The following TRIO variants were observed in gnomAD, a reference collection of about 807,000 sequenced individuals.
TRIO encodes the protein trio Rho guanine nucleotide exchange factor.
TRIO carries 58 observed loss-of-function variants against 351.9 expected under a neutral mutation model. That is an observed-to-expected ratio of 0.16 (90% CI 0.13 to 0.21). The LOEUF is 0.21. Ranked by LOEUF, TRIO falls within the 10% of genes least tolerant of loss-of-function variation. TRIO has a pLI of 1.00. For synonymous variants in TRIO, 1,758 were observed against 1,595.7 expected (o/e 1.10, Z -2.42); for missense variants, 3,201 against 4,027.8 (o/e 0.79, Z 5.56).
At chr5:14,442,390 G>A (rs765422704) in intron 34 of TRIO, among the ~76,000 whole-genome samples, 1 of 152,138 alleles carries the variant, frequency 6.6e-6, no homozygotes, top group Non-Finnish European at 1.5e-5. Flanking sequence ...AGGGGGTAGG[G>A]TGTCGGATCA....
At chr5:14,407,887 C>G (rs1748861342) in intron 33 of TRIO, among the ~76,000 whole-genome samples, 1 of 152,164 alleles carries the variant, frequency 6.6e-6, no homozygotes, top group Admixed American at 6.5e-5. Flanking sequence ...CTAGTGTGTT[C>G]TGTTACATTA....
At chr5:14,409,650 T>C (rs138185975) in intron 33 of TRIO, among the ~76,000 whole-genome samples, 285 of 151,898 alleles carry the variant, frequency 1.9e-3, no homozygotes, top group South Asian at 4.2e-3. Context: ...CTGGCTAACA[T>C]GGTGAAACCC....
chr5:14,278,931 G>A (rs1455002623), intron 2 of TRIO, among the ~76,000 whole-genome samples: 20 of 152,184 alleles, frequency 1.3e-4, no homozygotes, highest in Admixed American at 9.8e-4. Flanking sequence ...TTGTCTGGGC[G>A]AAGACCTAGC....
chr5:14,455,040 C>T (rs1753163546), intron 34 of TRIO, among the ~76,000 whole-genome samples: 1 of 152,062 alleles, frequency 6.6e-6, no homozygotes, highest in African/African-American at 2.4e-5. Context: ...CGTGGTCTCG[C>T]TGGCCTCAGG....
At chr5:14,481,173 T>A (rs577916686) in intron 43 of TRIO, 61 bp from the exon 44 acceptor site, 11 of 1,519,678 alleles carry the variant, frequency 7.2e-6, no homozygotes, top group African/African-American at 7.2e-5. Context: ...AAAAAAAAAA[T>A]AAAAGGTCAG....
intron 1 of TRIO, among the ~76,000 whole-genome samples, chr5:14,236,645 T>C (rs976630941): frequency 1.3e-5 from 2 of 152,230 alleles, no homozygotes; most frequent in African/African-American, 4.8e-5. Context: ...AATTACTCTT[T>C]TGTGTGGAAT....
chr5:14,376,114 T>C (rs1745536186), intron 19 of TRIO, among the ~76,000 whole-genome samples: 1 of 152,192 alleles, frequency 6.6e-6, no homozygotes, highest in Non-Finnish European at 1.5e-5. Flanking sequence ...TGAGAGAGTC[T>C]GTTGTTAGGC....
At chr5:14,282,835 G>A (rs1005726516) in intron 3 of TRIO, among the ~76,000 whole-genome samples, 6 of 152,152 alleles carry the variant, frequency 3.9e-5, no homozygotes, top group Non-Finnish European at 8.8e-5. Context: ...TGCATTAACT[G>A]CAGTCCCAAG....
At chr5:14,428,806 C>T (rs966803786) in intron 34 of TRIO, among the ~76,000 whole-genome samples, 2 of 152,126 alleles carry the variant, frequency 1.3e-5, no homozygotes, top group Non-Finnish European at 2.9e-5. Context: ...TTTAAATGGC[C>T]ATGACCTAGT....
In TRIO at chr5:14,369,418, A is replaced by T. The variant is rs1340365688; in HGVS notation, c.3111A>T (p.Glu1037Asp). Residue 1037 changes from glutamate to aspartate, a missense_variant, in exon 18 of 57, where the codon GAA (glutamate) becomes GAT (aspartate). By Grantham distance (45) the Glu-to-Asp change is conservative (BLOSUM62 2). Coordinates refer to ENST00000344204, the MANE Select transcript of TRIO (RefSeq NM_007118.4). ...LESLEQEYKR[E>D]EDWCGGADKL... The stretch of plus-strand genomic sequence containing the variant: ...GCCTGGAACAGGAGTACAAGAGAGA[A>T]GAAGACTGGTGTGGCGGGGCGGATA... 1 of 1,614,070 alleles carries T rather than the reference A, an allele frequency of 6.2e-7. No individual in the cohort carries two copies. Among genetic ancestry groups the T allele is most frequent in the South Asian group, 1.1e-5 (1 of 91,094 alleles).
At chr5:14,445,296 A>G (rs1180543969) in intron 34 of TRIO, among the ~76,000 whole-genome samples, 1 of 152,180 alleles carries the variant, frequency 6.6e-6, no homozygotes, top group African/African-American at 2.4e-5. Flanking sequence ...CAATTCTCAT[A>G]TAAAACCATA....
chr5:14,265,155 C>T (rs1795595133), intron 1 of TRIO, among the ~76,000 whole-genome samples: 1 of 150,538 alleles, frequency 6.6e-6, no homozygotes, highest in Non-Finnish European at 1.5e-5. Flanking sequence ...CTCGGAATAG[C>T]TGACAGGCAA....
At chr5:14,257,896 A>G (rs913475293) in intron 1 of TRIO, among the ~76,000 whole-genome samples, 4 of 152,224 alleles carry the variant, frequency 2.6e-5, no homozygotes, top group African/African-American at 9.6e-5. Context: ...TGTACAGCTA[A>G]GTTTCAGATA....
Position 14,258,698 on chromosome 5 carries a change from G to A in TRIO, c.158-12127G>A, listed in dbSNP as rs191455108. ...ACCTCCCCAGTATTTATTGAGGGCC[G>A]CCCAGTAGCAAGCAGGAGGAGGCCC... On this transcript the variant is annotated intron_variant, in intron 1 of 56. Transcript: ENST00000344204. Among the ~76,000 whole-genome samples, 13 of 152,266 alleles carry A rather than the reference G, an allele frequency of 8.5e-5. No individual in the cohort carries two copies. In the East Asian group the frequency reaches 2.1e-3, roughly 25 times the overall value.
rs1742159081 is a variant in TRIO at position 14,343,777 on chromosome 5, T to C, written c.2046+7050T>C. The stretch of plus-strand genomic sequence containing the variant: ...ATGGTTTTCATTTCTTTGGAACAAA[T>C]GCCCAGGAGTGCGTTTGCTGGGTCC... On this transcript the variant is annotated intron_variant, in intron 11 of 56. Transcript: ENST00000344204. Among the ~76,000 whole-genome samples, 3 of 152,250 alleles carry C rather than the reference T, an allele frequency of 2.0e-5. No homozygotes were observed. In the South Asian group the frequency reaches 6.2e-4, roughly 32 times the overall value.
intron 9 of TRIO, among the ~76,000 whole-genome samples, chr5:14,321,681 G>T (rs1017633188): frequency 6.6e-6 from 1 of 152,190 alleles, no homozygotes; most frequent in Non-Finnish European, 1.5e-5. Flanking sequence ...TTCCCTTGTG[G>T]ACGCCTGATA....
At chr5:14,242,171 A>T (rs1581428441) in intron 1 of TRIO, among the ~76,000 whole-genome samples, 2 of 152,378 alleles carry the variant, frequency 1.3e-5, no homozygotes, top group Middle Eastern at 3.4e-3. Flanking sequence ...CTGGAATCCA[A>T]GCAGGGAGGC....
chr5:14,496,575 G>A (rs913008929), intron 49 of TRIO, among the ~76,000 whole-genome samples: 7 of 152,192 alleles, frequency 4.6e-5, no homozygotes, highest in African/African-American at 1.7e-4. Flanking sequence ...ACCCTCACAG[G>A]AATACCCAGA....
At chr5:14,393,017 A>G (rs1427946405) in intron 27 of TRIO, among the ~76,000 whole-genome samples, 1 of 151,634 alleles carries the variant, frequency 6.6e-6, no homozygotes, top group Non-Finnish European at 1.5e-5. Flanking sequence ...ACTGCATTCC[A>G]GTCTGGGCGA....
Sources: gnomAD v4.1 joint callset for allele counts (sites outside exome capture counted in the v4.1 genomes callset) on GRCh38, gnomAD v4.1.1 for gene constraint, MANE v1.5 for transcripts, NCBI Gene and HGNC (gene_info 2026-07-23, HGNC 2026-07-21) for gene names.